The following ASPSCR1 variants were observed in gnomAD, a reference collection of about 807,000 sequenced individuals.
ASPSCR1 encodes ASPSCR1 tether for SLC2A4, UBX domain containing, also known as tether containing UBX domain for GLUT4.
ASPSCR1 carries 55 observed loss-of-function variants against 68.9 expected under a neutral mutation model. The ratio of observed to expected loss-of-function variants is 0.80; its 90% CI spans 0.64 to 1.00. ASPSCR1 has a LOEUF of 1.00. Among genes scored for constraint, ASPSCR1 ranks in the 50% least tolerant of loss-of-function variants. The probability of loss-of-function intolerance (pLI) is 0.00; values close to 1 mark genes in which losing one functional copy is unlikely to be tolerated. For synonymous variants in ASPSCR1, 352 were observed against 332.6 expected (o/e 1.06, Z -0.63); for missense variants, 765 against 762.2 (o/e 1.00, Z -0.04).
rs1567973291 is a variant in ASPSCR1, at chr17:81,997,105, C to CGGGATGAGGCCGTGTGG, written c.933+260_933+261insGGATGAGGCCGTGTGGG. On this transcript the variant is annotated intron_variant, in intron 7 of 15. Transcript: ENST00000306739. ...GTCTGCTCCGGGATGAGGCCGTGTC[C>CGGGATGAGGCCGTGTGG]GCTCCGGGATGAGGCCGTGTGGGCT... Among the ~76,000 whole-genome samples the CGGGATGAGGCCGTGTGG allele has an allele frequency of 5.5e-5, 8 of 144,292 alleles. No individual in the cohort carries two copies. The South Asian group carries it at 6.8e-4, about 12-fold the overall frequency. 94.7% of individuals were successfully genotyped at this position (144,292 alleles called of 152,430 possible). A position where few individuals can be genotyped will look rare whatever the true frequency, so the allele number is the denominator to read the frequency against.
chr17:81,984,887 C>CCACACA (rs1196508723), intron 3 of ASPSCR1, among the ~76,000 whole-genome samples: 6 of 116,044 alleles, frequency 5.2e-5, no homozygotes, highest in Non-Finnish European at 1.1e-4. Flanking sequence ...CACACACCCC[C>CCACACA]CACACACACC....
At chr17:81,997,140 G>GGCCGTGTGGGCTCCGGGATGAT (rs1181626226) in intron 7 of ASPSCR1, among the ~76,000 whole-genome samples, 1 of 152,182 alleles carries the variant, frequency 6.6e-6, no homozygotes, top group Non-Finnish European at 1.5e-5. Flanking sequence ...TCCGGGATGA[G>GGCCGTGTGGGCTCCGGGATGAT]GCCGTGTTGG....
chr17:81,995,277 T>G, intron 5 of ASPSCR1: 1 of 373,220 alleles, frequency 2.7e-6, no homozygotes, highest in Non-Finnish European at 4.8e-6. Flanking sequence ...TGAGTGCCCT[T>G]TGCTGGGGTG....
rs568543695 is a variant in ASPSCR1, at chr17:81,978,649, G to C, written c.103-535G>C. 1.1e-3 allele frequency: 172 copies of C among 156,318 alleles called. 1 individual carries two copies. The highest frequency in any genetic ancestry group is 1.1e-3 in the Non-Finnish European group (76 of 70,556). 9.7% of individuals were successfully genotyped at this position (156,318 alleles called of 1,614,324 possible). ...GGCGTGGGGTCCCCAGGCCTGGGCA[G>C]GTGGAGGGCGCAGCCAGGAGGCTGT... On this transcript the variant is annotated intron_variant, in intron 1 of 15. Coordinates refer to ENST00000306739, the MANE Select transcript of ASPSCR1 (RefSeq NM_024083.4).
intron 15 of ASPSCR1, 44 bp downstream of exon 15, chr17:82,017,157 G>T: frequency 1.3e-6 from 2 of 1,565,760 alleles, no homozygotes; most frequent in Non-Finnish European, 1.7e-6. Context: ...GCCGGGTGGA[G>T]GGCGGGGGTC....
intron 11 of ASPSCR1, among the ~76,000 whole-genome samples, 174 bp downstream of exon 11, chr17:82,011,779 G>T (rs1009835072): frequency 8.5e-5 from 13 of 152,218 alleles, no homozygotes; most frequent in African/African-American, 3.1e-4. Context: ...GACCTAGGAG[G>T]GCCCTTCTCC....
Position 81,996,455 on chromosome 17 carries a change from C to G in ASPSCR1, c.542C>G (p.Thr181Ser), listed in dbSNP as rs924195874. 1.6e-5 allele frequency: 26 copies of G among 1,605,784 alleles called. No individual in the cohort carries two copies. The highest frequency in any genetic ancestry group is 1.7e-4 in the Middle Eastern group (1 of 6,044). ...VMKCYDPVGK[T>S]PGSLGSSASA... is the part of the protein sequence containing the mutation. ...AAGTGCTACGACCCCGTGGGCAAGA[C>G]CCCAGGAAGCCTGGGCTCGTCAGCG... The change falls in exon 7 of 16, where the codon ACC (threonine) becomes AGC (serine). Residue 181 changes from threonine (T) to serine (S), a missense_variant. Transcript: ENST00000306739.
chr17:81,996,115 A>G, intron 6 of ASPSCR1, 50 bp downstream of exon 6: 1 of 1,509,330 alleles, frequency 6.6e-7, no homozygotes, highest in Non-Finnish European at 8.9e-7. Context: ...TAAAAAAAAA[A>G]GTGGTCTCAA....
chr17:82,014,844 G>C, intron 12 of ASPSCR1: 1 of 596,336 alleles, frequency 1.7e-6, no homozygotes, highest in Non-Finnish European at 2.9e-6. Flanking sequence ...TGGGGCCCCA[G>C]TGTCCTGGGC....
intron 2 of ASPSCR1, among the ~76,000 whole-genome samples, chr17:81,981,984 T>C (rs770951126): frequency 6.6e-6 from 1 of 151,738 alleles, no homozygotes; most frequent in Non-Finnish European, 1.5e-5. Flanking sequence ...CTTTCTTTTT[T>C]TTGAGACGGA....
chr17:81,989,674 A>G (rs1051643623), intron 4 of ASPSCR1, among the ~76,000 whole-genome samples: 3 of 152,120 alleles, frequency 2.0e-5, no homozygotes, highest in African/African-American at 7.2e-5. Context: ...TTGGATGGAC[A>G]CTGCCACGTG....
At chr17:82,002,003 CTTTTTTTTTT>C (rs71166183) in intron 7 of ASPSCR1, among the ~76,000 whole-genome samples, 1 of 93,808 alleles carries the variant, frequency 1.1e-5, no homozygotes, top group Non-Finnish European at 2.0e-5. Flanking sequence ...TTTCTTTTTC[CTTTTTTTTTT>C]TTTTTTTTTT....
intron 7 of ASPSCR1, among the ~76,000 whole-genome samples, chr17:81,998,169 C>T (rs182127454): frequency 6.6e-6 from 1 of 152,258 alleles, no homozygotes; most frequent in East Asian, 1.9e-4. Context: ...CGAGGTCTCT[C>T]TCTGTTGCCC....
At position 82,011,598 on chromosome 17, in the gene ASPSCR1, T is replaced by C. The variant is rs1183455432; in HGVS notation, c.1293T>C (p.Phe431=). 1.3e-6 allele frequency: 2 copies of C among 1,599,080 alleles called. No homozygotes were observed. The highest frequency in any genetic ancestry group is 4.6e-5 in the East Asian group (2 of 43,324). The change falls in exon 11 of 16, where the codon TTT becomes TTC. Residue 431 remains phenylalanine, a synonymous_variant. Coordinates refer to ENST00000306739, the MANE Select transcript of ASPSCR1 (RefSeq NM_024083.4). ...RSHLGNPELS[F]YLFITPPKTV... ...ACCTGGGGAACCCCGAGCTGTCATT[T>C]TACCTGTGTACGTTTTTTCTCCTGA...
chr17:81,985,205 T>C (rs1476470495), intron 3 of ASPSCR1, among the ~76,000 whole-genome samples: 1 of 127,530 alleles, frequency 7.8e-6, no homozygotes, highest in Non-Finnish European at 1.7e-5. Flanking sequence ...TCCACACACA[T>C]ACCTGCACAC....
At chr17:82,008,511 A>G (rs2042798433) in intron 7 of ASPSCR1, 1 of 153,870 alleles carries the variant, frequency 6.5e-6, no homozygotes, top group Non-Finnish European at 1.4e-5. Context: ...TGTCAATTTC[A>G]TTGCTGTTGA....
In ASPSCR1 at chr17:81,996,569, A is replaced by C. The variant is rs1213445740; in HGVS notation, c.656A>C (p.Asp219Ala). 1.2e-5 allele frequency: 19 copies of C among 1,612,822 alleles called. No homozygotes were observed. Among genetic ancestry groups the C allele is most frequent in the Non-Finnish European group, 1.5e-5 (18 of 1,179,560 alleles). ...GACTTGAGCCGTCCGGAGGACGCGG[A>C]CACCTCAGGGCCCTGCTGCGAGCAC... is the stretch of plus-strand genomic sequence containing the variant. ...RGDLSRPEDA[D>A]TSGPCCEHTQ... Residue 219 changes from aspartate to alanine, a missense_variant, in exon 7 of 16, where the codon GAC becomes GCC. Physicochemically the swap from Asp to Ala is moderately radical, Grantham distance 126. Transcript: ENST00000306739.
intron 10 of ASPSCR1, among the ~76,000 whole-genome samples, chr17:82,011,234 C>G (rs112771220): frequency 7.4e-6 from 1 of 134,870 alleles, no homozygotes; most frequent in Non-Finnish European, 1.6e-5. Flanking sequence ...CCCAGACGGC[C>G]GGGCGGCAGC....
Position 81,990,884 on chromosome 17 carries a change from G to T in ASPSCR1, c.375-3937G>T, listed in dbSNP as rs572146210. 1.8e-4 allele frequency among the ~76,000 whole-genome samples: 27 copies of T among 152,270 alleles called. No individual in the cohort carries two copies. Among genetic ancestry groups the T allele is most frequent in the Admixed American group, 3.9e-4 (6 of 15,300 alleles). ...CCAGGAGGTCATACTGTGACTCGGGGGATACTGTAGCACGTCTGGGCAGTC... is the reference window on the plus strand; with the variant it reads ...CCAGGAGGTCATACTGTGACTCGGGTGATACTGTAGCACGTCTGGGCAGTC... On this transcript the variant is annotated intron_variant, in intron 4 of 15. Transcript: ENST00000306739. The surrounding 1 kb of genome is among the most constrained non-coding windows in gnomAD (Gnocchi z 4.1).
Sources: allele counts gnomAD v4.1 joint callset (sites outside exome capture counted in the v4.1 genomes callset), GRCh38; gene constraint gnomAD v4.1.1; non-coding constraint Gnocchi (gnomAD v3.1); transcripts MANE v1.5; gene names NCBI Gene and HGNC (gene_info 2026-07-23, HGNC 2026-07-21).